The following WDR41 variants were observed in gnomAD, a reference collection of about 807,000 sequenced individuals.
WDR41 encodes the protein WD repeat-containing protein 41.
Under a neutral mutation model 69.3 loss-of-function variants are expected in WDR41, and 63 were observed. The ratio of observed to expected loss-of-function variants is 0.91; its 90% confidence interval spans 0.74 to 1.12. The LOEUF (loss-of-function observed/expected upper bound fraction) is 1.12. Ranked by LOEUF, WDR41 falls within the 50% of genes most tolerant of loss-of-function variation. WDR41 has a pLI of 0.00. For synonymous variants in WDR41, 185 were observed against 192.1 expected (o/e 0.96, Z 0.31); for missense variants, 543 against 534.5 (o/e 1.02, Z -0.16).
intron 1 of WDR41, among the ~76,000 whole-genome samples, chr5:77,541,588 G>A (rs1743089734): frequency 6.7e-6 from 1 of 150,002 alleles, no homozygotes; most frequent in Non-Finnish European, 1.5e-5. Context: ...TGCCTCCCAG[G>A]TTCAAGTGAT....
chr5:77,462,862 G>T (rs113224760), intron 4 of WDR41, among the ~76,000 whole-genome samples: 1,680 of 152,244 alleles, frequency 0.011, 12 homozygotes, highest in Non-Finnish European at 0.019. Flanking sequence ...AGTAACTCTG[G>T]AAAGAACAGC....
intron 1 of WDR41, among the ~76,000 whole-genome samples, chr5:77,617,334 G>A (rs1284594285): frequency 6.6e-6 from 1 of 152,116 alleles, no homozygotes; most frequent in Non-Finnish European, 1.5e-5. Context: ...TCACTTAGGA[G>A]ACTTGTTATA....
chr5:77,598,806 A>C (rs541637291), intron 1 of WDR41, among the ~76,000 whole-genome samples: 1 of 152,242 alleles, frequency 6.6e-6, no homozygotes, highest in South Asian at 2.1e-4. Context: ...TGAGAGCTGA[A>C]ACATAAAGCC....
chr5:77,448,665 C>T (rs1454163412), intron 8 of WDR41, among the ~76,000 whole-genome samples: 8 of 151,870 alleles, frequency 5.3e-5, no homozygotes, highest in East Asian at 3.9e-4. Context: ...GTCAGGAGTT[C>T]GAGACCAGCC....
At chr5:77,481,533 T>C (rs1801260219) in intron 2 of WDR41, among the ~76,000 whole-genome samples, 1 of 151,942 alleles carries the variant, frequency 6.6e-6, no homozygotes, top group Non-Finnish European at 1.5e-5. Context: ...ACACCTGTAA[T>C]CCCAGCACTT....
At chr5:77,590,425 C>A (rs1025908172) in intron 1 of WDR41, among the ~76,000 whole-genome samples, 2 of 152,132 alleles carry the variant, frequency 1.3e-5, no homozygotes, top group African/African-American at 4.8e-5. Flanking sequence ...CAGCTTGCCC[C>A]AAGGGACCAC....
chr5:77,556,649 AATTGGGTCTT>A (rs1157951303), intron 1 of WDR41, among the ~76,000 whole-genome samples: 28 of 152,324 alleles, frequency 1.8e-4, no homozygotes, highest in Non-Finnish European at 2.9e-4. Flanking sequence ...AAAAAAGTGA[AATTGGGTCTT>A]ATTTTTGTGG....
chr5:77,453,181 C>T (rs982173600), intron 6 of WDR41, among the ~76,000 whole-genome samples: 3 of 152,160 alleles, frequency 2.0e-5, no homozygotes, highest in Admixed American at 6.5e-5. Context: ...ATATCAACAA[C>T]ATGCACAACA....
Position 77,444,160 on chromosome 5 carries a change from G to A in WDR41, c.698-3163C>T, listed in dbSNP as rs1273015711. On this transcript the variant is annotated intron_variant, in intron 8 of 12. Coordinates refer to ENST00000296679, the MANE Select transcript of WDR41 (RefSeq NM_018268.4). ...CTCCCAAAGTGCTGGGATTACAGGC[G>A]TGAGTCACTGCACCTGGCCAATCAG... Among the ~76,000 whole-genome samples, 10 of 152,102 alleles carry A rather than the reference G, an allele frequency of 6.6e-5. No homozygotes were observed. The South Asian group carries it at 8.3e-4, about 13-fold the overall frequency.
intron 1 of WDR41, among the ~76,000 whole-genome samples, chr5:77,505,315 T>C (rs1802088674): frequency 6.6e-6 from 1 of 152,134 alleles, no homozygotes; most frequent in Admixed American, 6.5e-5. Flanking sequence ...GAATCCAACT[T>C]ACAAGGGATG....
intron 12 of WDR41, among the ~76,000 whole-genome samples, chr5:77,435,469 G>C (rs1798901723): frequency 1.3e-5 from 2 of 152,196 alleles, no homozygotes; most frequent in African/African-American, 4.8e-5. Flanking sequence ...AACTCCAGCA[G>C]CCAGTGTTTA....
At position 77,470,036 on chromosome 5, in the gene WDR41, G is replaced by A. The variant is rs570744576; in HGVS notation, c.168-5227C>T. 5.3e-5 allele frequency among the ~76,000 whole-genome samples: 8 copies of A among 149,698 alleles called. No individual in the cohort carries two copies. The South Asian group carries it at 8.4e-4, about 16-fold the overall frequency. ...TTAAGGGCAGCCAGAGAGAAAGGTC[G>A]GGTTACCCACGAAGGGAAGCCCATC... On this transcript the variant is annotated intron_variant, in intron 2 of 12. Coordinates refer to ENST00000296679, the MANE Select transcript of WDR41 (RefSeq NM_018268.4).
At chr5:77,447,710 T>C (rs6888320) in intron 8 of WDR41, among the ~76,000 whole-genome samples, 59,510 of 151,916 alleles carry the variant, frequency 0.39, 11,728 homozygotes, top group African/African-American at 0.42. Context: ...AACTGGAAAC[T>C]GAACAATGAG....
intron 1 of WDR41, among the ~76,000 whole-genome samples, chr5:77,511,680 A>G (rs6453313): frequency 2.0e-5 from 3 of 152,008 alleles, no homozygotes; most frequent in Non-Finnish European, 4.4e-5. Context: ...CTGCAGTTCT[A>G]TTAGTAAAGG....
intron 1 of WDR41, among the ~76,000 whole-genome samples, chr5:77,616,726 G>A (rs1744687395): frequency 6.6e-6 from 1 of 152,092 alleles, no homozygotes; most frequent in Non-Finnish European, 1.5e-5. Context: ...TTTACATACA[G>A]ATACATTAAA....
At chr5:77,476,191 G>A (rs1398218131) in intron 2 of WDR41, among the ~76,000 whole-genome samples, 3 of 152,150 alleles carry the variant, frequency 2.0e-5, no homozygotes, top group East Asian at 1.9e-4. Context: ...CCAAATCTAC[G>A]TCTGACTGGT....
chr5:77,449,707 G>T, intron 8 of WDR41, 53 bp downstream of exon 8: 1 of 1,209,632 alleles, frequency 8.3e-7, no homozygotes, highest in Non-Finnish European at 1.2e-6. Flanking sequence ...TTCAGAGCAG[G>T]TTGTGTTAAC....
At chr5:77,532,261 T>A (rs1802538599) in intron 1 of WDR41, among the ~76,000 whole-genome samples, 1 of 152,070 alleles carries the variant, frequency 6.6e-6, no homozygotes, top group Non-Finnish European at 1.5e-5. Context: ...ATGTTTGAAA[T>A]TTTTTATGAT....
chr5:77,483,987 AAAT>A (rs1435980872), intron 2 of WDR41, among the ~76,000 whole-genome samples: 3 of 152,250 alleles, frequency 2.0e-5, no homozygotes, highest in African/African-American at 7.2e-5. Context: ...ATGTTCAAGA[AAAT>A]AATTTTCAAA....
Sources: allele counts gnomAD v4.1 joint callset (sites outside exome capture counted in the v4.1 genomes callset), GRCh38; gene constraint gnomAD v4.1.1; transcripts MANE v1.5; gene names NCBI Gene and HGNC (gene_info 2026-07-23, HGNC 2026-07-21).